TMEM132D: variants seen among roughly 807,000 people sequenced by gnomAD.
TMEM132D encodes transmembrane protein 132D.
In TMEM132D, 21 loss-of-function variants were observed where a neutral mutation model predicts 62.3. That is an observed-to-expected ratio of 0.34 (90% CI 0.24 to 0.49). The LOEUF (loss-of-function observed/expected upper bound fraction) is 0.49. Ranked by LOEUF, TMEM132D falls within the 20% of genes least tolerant of loss-of-function variation. TMEM132D has a pLI of 0.99. For synonymous variants in TMEM132D, 621 were observed against 575.6 expected, an observed-to-expected ratio of 1.08 and a Z score of -1.13; for missense variants, 1,346 against 1,402.8, an observed-to-expected ratio of 0.96 and a Z score of 0.65.
intron 3 of TMEM132D, among the ~76,000 whole-genome samples, chr12:129,388,254 G>A (rs1236319726): frequency 5.9e-4 from 49 of 83,004 alleles, no homozygotes; most frequent in Middle Eastern, 7.5e-3. Context: ...CACTAACACC[G>A]ACACCAATAC....
At chr12:129,338,708 T>C (rs1324804646) in intron 3 of TMEM132D, among the ~76,000 whole-genome samples, 1 of 152,222 alleles carries the variant, frequency 6.6e-6, no homozygotes, top group Non-Finnish European at 1.5e-5. Context: ...GTCAGATCTA[T>C]TTCTAAAAGA....
chr12:129,524,920 C>CTTTTTTTTTT lies in TMEM132D; in HGVS notation c.1115+6138_1115+6139insAAAAAAAAAA, dbSNP rs761892015. Among the ~76,000 whole-genome samples, 27 of 92,184 alleles carry CTTTTTTTTTT rather than the reference C, an allele frequency of 2.9e-4. 2 individuals are homozygous for CTTTTTTTTTT. The highest frequency in any genetic ancestry group is 7.1e-4 in the African/African-American group (16 of 22,498). The allele number at this position is 92,184 out of a possible 152,430, so 60.5% of individuals were successfully genotyped here. A position where few individuals can be genotyped will look rare whatever the true frequency, so the allele number is the denominator to read the frequency against. On this transcript the variant is annotated intron_variant, in intron 3 of 8. Transcript: ENST00000422113. The stretch of plus-strand genomic sequence containing the variant: ...CATTTTATTATTTTCATATTTTTTT[C>CTTTTTTTTTT]TTTTTTCTTTTTTTTTTTTTTTTTG...
intron 3 of TMEM132D, among the ~76,000 whole-genome samples, chr12:129,486,759 C>G (rs1029163506): frequency 6.6e-6 from 1 of 152,128 alleles, no homozygotes; most frequent in African/African-American, 2.4e-5. Context: ...TTGTATGCTT[C>G]CTTCCCTCCC....
In TMEM132D at chr12:129,779,431, G is replaced by A. The variant is rs1424865726; in HGVS notation, c.80-78733C>T. Among the ~76,000 whole-genome samples the A allele has an allele frequency of 6.6e-6, 1 of 152,212 alleles. No homozygotes were observed. On this transcript the variant is annotated intron_variant, in intron 1 of 8. Coordinates refer to ENST00000422113, the MANE Select transcript of TMEM132D (RefSeq NM_133448.3). The surrounding 1 kb of genome is among the most constrained non-coding windows in gnomAD (Gnocchi z 4.1). ...AGCCTCCCAAGTAGCAGGAACTGCA[G>A]GTGTCCACCCACCATGCCCAGCTAA...
intron 3 of TMEM132D, among the ~76,000 whole-genome samples, chr12:129,514,033 G>T (rs1297246522): frequency 1.3e-5 from 2 of 149,690 alleles, no homozygotes; most frequent in Admixed American, 1.3e-4. Flanking sequence ...TGGAGACGGG[G>T]TTTCACTGTG....
chr12:129,747,938 T>A (rs762740705), intron 1 of TMEM132D, among the ~76,000 whole-genome samples: 31 of 152,216 alleles, frequency 2.0e-4, no homozygotes, highest in Admixed American at 7.9e-4. Flanking sequence ...CTAGCACTCA[T>A]CACCGCGGAC....
chr12:129,614,358 G>T (rs182687871), intron 2 of TMEM132D, among the ~76,000 whole-genome samples: 1 of 152,340 alleles, frequency 6.6e-6, no homozygotes, highest in African/African-American at 2.4e-5. Context: ...AGGCCAGAGG[G>T]ACTGATGCCC....
At chr12:129,499,526 AT>A (rs80352160) in intron 3 of TMEM132D, among the ~76,000 whole-genome samples, 2 of 152,210 alleles carry the variant, frequency 1.3e-5, no homozygotes, top group African/African-American at 4.8e-5. Context: ...AGGACACAGA[AT>A]TTTGACACCC....
chr12:129,861,918 C>T (rs966214579), intron 1 of TMEM132D, among the ~76,000 whole-genome samples: 1 of 152,074 alleles, frequency 6.6e-6, no homozygotes. Context: ...ATGGCCCCAC[C>T]CAGACCCAAG....
At chr12:129,776,346 A>G in intron 1 of TMEM132D, among the ~76,000 whole-genome samples, 1 of 152,208 alleles carries the variant, frequency 6.6e-6, no homozygotes, top group East Asian at 1.9e-4. Context: ...ACTGCTGAAA[A>G]GATTTGACGG....
intron 1 of TMEM132D, among the ~76,000 whole-genome samples, chr12:129,709,770 G>A (rs1826944996): frequency 6.6e-6 from 1 of 152,108 alleles, no homozygotes; most frequent in Admixed American, 6.5e-5. Flanking sequence ...ATTATTGACT[G>A]AATAAAGAAA....
At chr12:129,293,461 G>C (rs1362096243) in intron 4 of TMEM132D, among the ~76,000 whole-genome samples, 14 of 152,274 alleles carry the variant, frequency 9.2e-5, no homozygotes, top group South Asian at 4.2e-4. Context: ...TCCAAAGACG[G>C]GTGGCGGGAT....
rs570002551 is a variant in TMEM132D, at chr12:129,776,516, G to T, written c.80-75818C>A. 2.0e-5 allele frequency among the ~76,000 whole-genome samples: 3 copies of T among 152,098 alleles called. No individual in the cohort carries two copies. The South Asian group carries it at 6.2e-4, about 32-fold the overall frequency. On this transcript the variant is annotated intron_variant, in intron 1 of 8. Transcript: ENST00000422113. Reference sequence around the variant, plus strand: ...GGTTCTTTCTCAGGGACCAGTGGTTGACTACTAGTAAAAAGGAAAAAGCCG... The same window carrying T: ...GGTTCTTTCTCAGGGACCAGTGGTTTACTACTAGTAAAAAGGAAAAAGCCG...
chr12:129,742,992 C>G (rs551479805), intron 1 of TMEM132D, among the ~76,000 whole-genome samples: 1 of 152,324 alleles, frequency 6.6e-6, no homozygotes, highest in South Asian at 2.1e-4. Flanking sequence ...GACTGAAGAT[C>G]CACTGGGGGA....
intron 4 of TMEM132D, among the ~76,000 whole-genome samples, chr12:129,300,489 C>A (rs1360120135): frequency 6.6e-6 from 1 of 152,204 alleles, no homozygotes; most frequent in Non-Finnish European, 1.5e-5. Context: ...GATGCTGTAA[C>A]ATGTTGCCAC....
chr12:129,609,962 C>T (rs528163414), intron 2 of TMEM132D, among the ~76,000 whole-genome samples: 13 of 152,242 alleles, frequency 8.5e-5, no homozygotes, highest in African/African-American at 2.9e-4. Flanking sequence ...TCCTTTAGGA[C>T]TAAATAAAGT....
At chr12:129,361,012 G>A (rs558803586) in intron 3 of TMEM132D, among the ~76,000 whole-genome samples, 24 of 152,228 alleles carry the variant, frequency 1.6e-4, no homozygotes, top group Admixed American at 1.4e-3. Context: ...CTGTGTTCAC[G>A]GCATCCTGGG....
rs773607015 is a variant in TMEM132D, at chr12:129,811,974, G to A, written c.79+91287C>T. 6.6e-5 allele frequency among the ~76,000 whole-genome samples: 10 copies of A among 151,740 alleles called. No homozygotes were observed. The East Asian group carries it at 7.8e-4, about 12-fold the overall frequency. ...CACCTGACACATATATTTCAACCTCGTGAGATGCTGAGCAGAGACCCAGCT... is the reference window on the plus strand; with the variant it reads ...CACCTGACACATATATTTCAACCTCATGAGATGCTGAGCAGAGACCCAGCT... On this transcript the variant is annotated intron_variant, in intron 1 of 8. Transcript: ENST00000422113.
intron 2 of TMEM132D, among the ~76,000 whole-genome samples, chr12:129,624,025 G>T (rs1281458125): frequency 6.6e-6 from 1 of 152,060 alleles, no homozygotes; most frequent in East Asian, 1.9e-4. Flanking sequence ...CATGCCTATA[G>T]GCCATTCCTA....
Sources: gnomAD v4.1 joint callset for allele counts (sites outside exome capture counted in the v4.1 genomes callset) on GRCh38, gnomAD v4.1.1 for gene constraint, Gnocchi (gnomAD v3.1) non-coding constraint, MANE v1.5 for transcripts, NCBI Gene and HGNC (gene_info 2026-07-23, HGNC 2026-07-21) for gene names.